PTPRF: variants seen among roughly 807,000 people sequenced by gnomAD.
PTPRF encodes receptor-type tyrosine-protein phosphatase F.
In PTPRF, 59 loss-of-function variants were observed where a neutral mutation model predicts 201.8. The ratio of observed to expected loss-of-function variants is 0.29; its 90% CI spans 0.24 to 0.36. The LOEUF (loss-of-function observed/expected upper bound fraction) is 0.36, where lower values mean the gene tolerates loss of function less well. PTPRF is among the 10% of genes least tolerant of loss of function. The pLI is 1.00. For synonymous variants in PTPRF, 1,088 were observed against 1,089.7 expected (o/e 1.00, Z 0.03); for missense variants, 2,132 against 2,690.5 (o/e 0.79, Z 4.59).
chr1:43,595,969 G>A (rs112970276), intron 11 of PTPRF, among the ~76,000 whole-genome samples: 3 of 152,140 alleles, frequency 2.0e-5, no homozygotes, highest in Non-Finnish European at 2.9e-5. Flanking sequence ...CTCTAGGGAC[G>A]TGTGCATAGG....
chr1:43,621,263 C>T (rs1570760155), intron 33 of PTPRF, 31 bp downstream of exon 33: 1 of 1,609,180 alleles, frequency 6.2e-7, no homozygotes, highest in Non-Finnish European at 8.5e-7. Context: ...GGGCCAGGGC[C>T]TTGGCAGCAG....
Position 43,620,156 on chromosome 1 carries a change from C to T in PTPRF, c.5173C>T (p.Arg1725Cys), listed in dbSNP as rs747103988. The T allele has an allele frequency of 6.2e-7, 1 of 1,614,084 alleles. No homozygotes were observed. The highest frequency in any genetic ancestry group is 8.5e-7 in the Non-Finnish European group (1 of 1,179,972). Reference protein sequence around the residue: ...PLAESTEDFWRMLWEHNSTII... With the variant: ...PLAESTEDFWCMLWEHNSTII... Reference sequence around the variant, plus strand: ...GGCAGAGAGCACCGAGGACTTCTGGCGCATGCTATGGGAGCACAATTCCAC... The same window carrying T: ...GGCAGAGAGCACCGAGGACTTCTGGTGCATGCTATGGGAGCACAATTCCAC... Residue 1725 changes from arginine (R) to cysteine (C), a missense_variant, in exon 30 of 34, where the codon CGC becomes TGC. Arg to Cys is a radical substitution (Grantham distance 180, BLOSUM62 -3). Around this residue, in one of 6 missense-constraint regions of PTPRF, gnomAD observed 519 missense variants for 659.5 expected, o/e 0.79. Coordinates refer to ENST00000359947, the MANE Select transcript of PTPRF (RefSeq NM_002840.5).
intron 23 of PTPRF, among the ~76,000 whole-genome samples, chr1:43,614,343 G>A (rs1299895437): frequency 5.9e-5 from 9 of 152,172 alleles, no homozygotes; most frequent in Non-Finnish European, 1.0e-4. Flanking sequence ...ACGGGGAGTC[G>A]GGGCCTCGAG....
upstream of PTPRF, among the ~76,000 whole-genome samples, chr1:43,523,593 A>C (rs1208783416): frequency 6.6e-6 from 1 of 151,362 alleles, no homozygotes; most frequent in African/African-American, 2.4e-5. Context: ...ATGAATACCG[A>C]AAAAAAAACT....
At chr1:43,604,478 C>T (rs996568598) in intron 16 of PTPRF, among the ~76,000 whole-genome samples, 8 of 152,180 alleles carry the variant, frequency 5.3e-5, no homozygotes, top group Admixed American at 4.6e-4. Context: ...TGTGCAACCT[C>T]CTGATCTTTG....
At chr1:43,600,428 C>T (rs1653467421) in intron 13 of PTPRF, among the ~76,000 whole-genome samples, 1 of 150,928 alleles carries the variant, frequency 6.6e-6, no homozygotes, top group South Asian at 2.1e-4. Context: ...AGTCTGGGCT[C>T]CCGGAGGACA....
rs1420164052 is a variant in PTPRF, at chr1:43,553,377, G to A, written c.92-115G>A. The A allele has an allele frequency of 5.1e-6, 6 of 1,180,140 alleles. No individual in the cohort carries two copies. The highest frequency in any genetic ancestry group is 7.3e-6 in the Non-Finnish European group (6 of 824,896). 73.1% of individuals were successfully genotyped at this position (1,180,140 alleles called of 1,614,324 possible). ...CATACTAAGCGCTACATAAAGGTGA[G>A]GTGTCCTTGTTTTCTTTGTAGGTCT... On this transcript the variant is annotated intron_variant, in intron 3 of 33. Coordinates refer to ENST00000359947, the MANE Select transcript of PTPRF (RefSeq NM_002840.5). The surrounding 1 kb of genome is among the most constrained non-coding windows in gnomAD (Gnocchi z 4.1).
At chr1:43,590,018 A>G (rs984192951) in intron 8 of PTPRF, among the ~76,000 whole-genome samples, 4 of 152,214 alleles carry the variant, frequency 2.6e-5, no homozygotes, top group Non-Finnish European at 5.9e-5. Context: ...AACACCTTCC[A>G]GTGGCTTCCC....
chr1:43,579,336 G>A (rs997294645), intron 7 of PTPRF: 22 of 405,198 alleles, frequency 5.4e-5, no homozygotes, highest in Middle Eastern at 3.5e-4. Flanking sequence ...CCTGCCTGCC[G>A]CAGCATGGTG....
intron 3 of PTPRF, among the ~76,000 whole-genome samples, chr1:43,551,133 G>A (rs1228969355): frequency 6.6e-6 from 1 of 152,204 alleles, no homozygotes; most frequent in East Asian, 1.9e-4. Flanking sequence ...CGGGAGGCGT[G>A]GGGCAGGCCT....
intron 11 of PTPRF, among the ~76,000 whole-genome samples, chr1:43,594,109 C>CGT (rs1232972617): frequency 6.6e-6 from 1 of 152,198 alleles, no homozygotes; most frequent in Non-Finnish European, 1.5e-5. Flanking sequence ...AGCCCTGTAC[C>CGT]GTGCATGGGG....
At chr1:43,551,827 C>G (rs1264041628) in intron 3 of PTPRF, among the ~76,000 whole-genome samples, 1 of 152,210 alleles carries the variant, frequency 6.6e-6, no homozygotes, top group Non-Finnish European at 1.5e-5. Context: ...TGACAGAATC[C>G]TGTGTCACTG....
At chr1:43,618,930 T>C in intron 26 of PTPRF, 118 bp from the exon 27 acceptor site, 3 of 1,462,988 alleles carry the variant, frequency 2.1e-6, no homozygotes, top group Non-Finnish European at 2.8e-6. Context: ...GGCTACTCTG[T>C]GTGGCTTCTG....
chr1:43,605,203 G>A lies in PTPRF; in HGVS notation c.3149G>A (p.Gly1050Glu), dbSNP rs1336067113. Residue 1050 changes from glycine to glutamate, a missense_variant, in exon 18 of 34, where the codon GGG (glycine) becomes GAG (glutamate). Physicochemically the swap from Gly to Glu is moderately conservative, Grantham distance 98. This residue lies in a region of PTPRF where 818 missense variants were observed against 915.3 expected (regional missense o/e 0.89). Transcript: ENST00000359947. ...SAVPFKILYN[G>E]QSVEVDGHSM... ...CGTCCCCCACAGATTCTGTACAATG[G>A]GCAGAGTGTGGAGGTGGACGGGCAC... 3 of 1,600,696 alleles carry A rather than the reference G, an allele frequency of 1.9e-6. No homozygotes were observed. In the East Asian group the frequency reaches 6.7e-5, roughly 36 times the overall value.
At chr1:43,592,093 G>T in intron 10 of PTPRF, 145 bp downstream of exon 10, 2 of 1,201,466 alleles carry the variant, frequency 1.7e-6, no homozygotes, top group African/African-American at 1.5e-5. Context: ...AGTGGTGCAT[G>T]CGTGTCATGT....
intron 33 of PTPRF, 114 bp downstream of exon 33, chr1:43,621,346 C>T: frequency 7.2e-7 from 1 of 1,389,114 alleles, no homozygotes; most frequent in Non-Finnish European, 9.8e-7. Flanking sequence ...TGCTGCCAAC[C>T]TTTCACGTGG....
At position 43,606,345 on chromosome 1, in the gene PTPRF, A is replaced by T; in HGVS notation, c.3589A>T (p.Thr1197Ser). The change falls in exon 20 of 34, where the codon ACC becomes TCC. Residue 1197 changes from threonine (T) to serine (S), a missense_variant. By Grantham distance (58) the Thr-to-Ser change is moderately conservative (BLOSUM62 1). This residue lies in a region of PTPRF where 818 missense variants were observed against 915.3 expected (regional missense o/e 0.89). Transcript: ENST00000359947. ...TGCTCAACTGGATGTGCTCCCGGAG[A>T]CCTTTACCTTGGGGGACAAGAAGAA... ...VAAQLDVLPE[T>S]FTLGDKKNYR... is the part of the protein sequence containing the mutation. 1 of 1,614,102 alleles carries T rather than the reference A, an allele frequency of 6.2e-7. No homozygotes were observed. Among genetic ancestry groups the T allele is most frequent in the Non-Finnish European group, 8.5e-7 (1 of 1,180,006 alleles).
rs751180362 is a variant in PTPRF, at chr1:43,606,200, C to A, written c.3484-40C>A. The A allele has an allele frequency of 8.2e-6, 13 of 1,584,876 alleles. No individual in the cohort carries two copies. The African/African-American group carries it at 1.3e-4, about 16-fold the overall frequency. ...CACAGCCTCAGGGCTGGCCGGCATG[C>A]TCCAAGGCCCCTCATGACCCCCATG... On this transcript the variant is annotated intron_variant, in intron 19 of 33. Coordinates refer to ENST00000359947, the MANE Select transcript of PTPRF (RefSeq NM_002840.5).
At position 43,546,032 on chromosome 1, in the gene PTPRF, G is replaced by A. The variant is rs947151241; in HGVS notation, c.91+866G>A. On this transcript the variant is annotated intron_variant, in intron 3 of 33. Transcript: ENST00000359947. The surrounding 1 kb of genome is among the most constrained non-coding windows in gnomAD (Gnocchi z 4.2). ...CGAGGTCGGAGCCAAGGTCCCTGGG[G>A]GAAGGGGCCGTTCCCAGCCTGTCCA... Among the ~76,000 whole-genome samples, 5 of 152,112 alleles carry A rather than the reference G, an allele frequency of 3.3e-5. No individual in the cohort carries two copies. Among genetic ancestry groups the A allele is most frequent in the East Asian group, 1.9e-4 (1 of 5,178 alleles).
Sources: gnomAD v4.1 joint callset for allele counts (sites outside exome capture counted in the v4.1 genomes callset) on GRCh38, gnomAD v4.1.1 for gene constraint, gnomAD v4.1.1 regional missense constraint, Gnocchi (gnomAD v3.1) non-coding constraint, MANE v1.5 for transcripts, NCBI Gene and HGNC (gene_info 2026-07-23, HGNC 2026-07-21) for gene names.